DCDC1: variants seen among roughly 807,000 people sequenced by gnomAD.
DCDC1 encodes the protein doublecortin domain-containing protein 1.
A neutral mutation model predicts 178.3 loss-of-function variants in DCDC1; 200 were observed. The observed-to-expected ratio is 1.12, with a 90% CI of 1.00 to 1.26. The LOEUF (loss-of-function observed/expected upper bound fraction) is 1.26. DCDC1 is among the 50% of genes most tolerant of loss of function. The pLI is 0.00. For missense variants in DCDC1, 1,983 were observed against 1,749.2 expected (o/e 1.13, Z -2.38); for synonymous variants, 690 against 604.8 (o/e 1.14, Z -2.07).
intron 21 of DCDC1, among the ~76,000 whole-genome samples, chr11:30,934,123 A>G (rs2134334542): frequency 6.6e-6 from 1 of 152,290 alleles, no homozygotes; most frequent in Non-Finnish European, 1.5e-5. Context: ...ATTACAATAG[A>G]TGTAGTTAAT....
intron 11 of DCDC1, among the ~76,000 whole-genome samples, chr11:31,111,430 AGAG>A (rs1398217763): frequency 6.6e-6 from 1 of 152,182 alleles, no homozygotes; most frequent in Non-Finnish European, 1.5e-5. Context: ...AAAAATAAAA[AGAG>A]TAGTAATGTC....
At chr11:31,047,523 C>A (rs1447306047) in intron 20 of DCDC1, among the ~76,000 whole-genome samples, 2 of 152,140 alleles carry the variant, frequency 1.3e-5, no homozygotes, top group Non-Finnish European at 2.9e-5. Flanking sequence ...TTAACCTTAT[C>A]TCTTCAACTA....
chr11:30,975,451 T>C (rs1249950759), intron 20 of DCDC1, among the ~76,000 whole-genome samples: 2 of 152,008 alleles, frequency 1.3e-5, no homozygotes, highest in Non-Finnish European at 1.5e-5. Flanking sequence ...GCAGATAATA[T>C]AATCTTATAG....
At chr11:31,333,029 C>T (rs1591788359) in intron 2 of DCDC1, among the ~76,000 whole-genome samples, 2 of 152,072 alleles carry the variant, frequency 1.3e-5, no homozygotes, top group Middle Eastern at 3.2e-3. Flanking sequence ...TCTCTTTGTA[C>T]GTCTCTAAGG....
At chr11:31,062,417 G>A (rs1180475722) in intron 20 of DCDC1, among the ~76,000 whole-genome samples, 5 of 152,102 alleles carry the variant, frequency 3.3e-5, no homozygotes, top group Admixed American at 2.6e-4. Flanking sequence ...CTAGTGATGT[G>A]AGAATAGTGG....
chr11:31,065,905 G>A (rs534695669), intron 18 of DCDC1, among the ~76,000 whole-genome samples: 2 of 152,214 alleles, frequency 1.3e-5, no homozygotes, highest in African/African-American at 4.8e-5. Context: ...CACGGAACAA[G>A]TGTGTGTCAT....
At chr11:31,351,511 A>C (rs976561825) in intron 1 of DCDC1, among the ~76,000 whole-genome samples, 1 of 152,164 alleles carries the variant, frequency 6.6e-6, no homozygotes, top group Non-Finnish European at 1.5e-5. Context: ...CTTTAGAAAT[A>C]GAAGATTATC....
chr11:31,213,127 CT>C (rs1972911817), intron 9 of DCDC1, among the ~76,000 whole-genome samples: 2 of 135,550 alleles, frequency 1.5e-5, no homozygotes, highest in Admixed American at 7.4e-5. Flanking sequence ...CTCTCTCTCT[CT>C]CTCTCTCTCT....
chr11:31,008,933 G>A (rs1017809360), intron 20 of DCDC1, among the ~76,000 whole-genome samples: 7 of 152,000 alleles, frequency 4.6e-5, no homozygotes, highest in African/African-American at 1.7e-4. Flanking sequence ...ACAATGAAGG[G>A]GGACAATTAA....
chr11:31,133,411 C>T (rs891450478), intron 10 of DCDC1, among the ~76,000 whole-genome samples: 1 of 152,122 alleles, frequency 6.6e-6, no homozygotes, highest in Non-Finnish European at 1.5e-5. Flanking sequence ...TAATTAACAG[C>T]ATATTTAAGA....
In DCDC1 at chr11:31,241,451, T is replaced by C. The variant is rs1977122079; in HGVS notation, c.1220A>G (p.Gln407Arg). The stretch of plus-strand genomic sequence containing the variant: ...AATTTTTAAAGAGGGATGACTCACC[T>C]GTTTATAATATTTTTTTGCAGACTT... ...RLKSAKKYYK[Q>R]LNLVMNEQKE... is the part of the protein sequence containing the mutation. Residue 407 changes from glutamine to arginine, a missense_variant and splice_region_variant, in exon 9 of 39, where the codon CAG (glutamine) becomes CGG (arginine). Transcript: ENST00000684477. 1 of 396,998 alleles carries C rather than the reference T, an allele frequency of 2.5e-6. No individual in the cohort carries two copies. Among genetic ancestry groups the C allele is most frequent in the East Asian group, 3.6e-5 (1 of 28,022 alleles). 24.6% of individuals were successfully genotyped at this position (396,998 alleles called of 1,614,324 possible). A position where few individuals can be genotyped will look rare whatever the true frequency, so the allele number is the denominator to read the frequency against.
intron 10 of DCDC1, among the ~76,000 whole-genome samples, chr11:31,133,610 G>A (rs756987234): frequency 3.3e-5 from 5 of 152,190 alleles, no homozygotes; most frequent in South Asian, 2.1e-4. Context: ...TTTGGAAGTT[G>A]AGCTGGGTGT....
intron 9 of DCDC1, among the ~76,000 whole-genome samples, chr11:31,230,354 CAAAAAGAAAAAAATAGAAAA>C (rs1340637738): frequency 1.4e-5 from 2 of 144,568 alleles, no homozygotes; most frequent in Non-Finnish European, 3.0e-5. Flanking sequence ...TATTAAGGGC[CAAAAAGAAAAAAATAGAAAA>C]AAAAAGAAAA....
In DCDC1 at chr11:31,250,430, G is replaced by GTATA. The variant is rs1376992040; in HGVS notation, c.1055-8818_1055-8815dup. 3.5e-5 allele frequency among the ~76,000 whole-genome samples: 3 copies of GTATA among 84,868 alleles called. 1 individual carries two copies. Among genetic ancestry groups the GTATA allele is most frequent in the African/African-American group, 1.4e-4 (3 of 21,562 alleles). 55.7% of individuals were successfully genotyped at this position (84,868 alleles called of 152,430 possible). ...CACACACACACATATACATATATAT[G>GTATA]TATATATATATATATCCCTGCCTGG... On this transcript the variant is annotated intron_variant, in intron 8 of 38. Coordinates refer to ENST00000684477, the MANE Select transcript of DCDC1 (RefSeq NM_001387274.1).
chr11:30,928,995 A>C (rs929371845), intron 22 of DCDC1, among the ~76,000 whole-genome samples: 11 of 152,082 alleles, frequency 7.2e-5, no homozygotes, highest in Non-Finnish European at 1.0e-4. Context: ...ACATCTGCTC[A>C]AAGTTTTAAG....
chr11:31,182,005 A>C (rs1226022434), intron 9 of DCDC1, among the ~76,000 whole-genome samples: 1 of 152,222 alleles, frequency 6.6e-6, no homozygotes, highest in Non-Finnish European at 1.5e-5. Flanking sequence ...ATTGAAGATC[A>C]ACTTAATGAA....
At chr11:30,977,745 T>C (rs1027058832) in intron 20 of DCDC1, among the ~76,000 whole-genome samples, 3 of 151,934 alleles carry the variant, frequency 2.0e-5, no homozygotes, top group African/African-American at 7.2e-5. Flanking sequence ...GCAGGGGCAA[T>C]ATAGTGAAAC....
At chr11:31,168,296 T>C (rs958886502) in intron 9 of DCDC1, among the ~76,000 whole-genome samples, 2 of 152,226 alleles carry the variant, frequency 1.3e-5, no homozygotes, top group Admixed American at 6.5e-5. Context: ...ATAGCCTAGC[T>C]GACCTCAAAA....
At chr11:30,881,098 G>A (rs1942619700) in intron 37 of DCDC1, 60 bp downstream of exon 37, 1 of 1,575,850 alleles carries the variant, frequency 6.3e-7, no homozygotes, top group Non-Finnish European at 8.7e-7. Context: ...GCTCTTCCAA[G>A]AGAAGATTGA....
Sources: allele counts gnomAD v4.1 joint callset (sites outside exome capture counted in the v4.1 genomes callset), GRCh38; gene constraint gnomAD v4.1.1; transcripts MANE v1.5; gene names NCBI Gene and HGNC (gene_info 2026-07-23, HGNC 2026-07-21).